GALNT18: variants seen among roughly 807,000 people sequenced by gnomAD.
The protein encoded by GALNT18 is polypeptide N-acetylgalactosaminyltransferase 18.
A neutral mutation model predicts 69.5 loss-of-function variants in GALNT18; 44 were observed. The observed-to-expected ratio is 0.63, with a 90% confidence interval of 0.50 to 0.81. GALNT18 has a LOEUF of 0.81. Ranked by LOEUF, GALNT18 falls within the 40% of genes least tolerant of loss-of-function variation. GALNT18 has a pLI of 0.00. For synonymous variants in GALNT18, 364 were observed against 318.2 expected, an observed-to-expected ratio of 1.14 and a Z score of -1.53; for missense variants, 715 against 810.0, an observed-to-expected ratio of 0.88 and a Z score of 1.42.
chr11:11,559,066 C>T (rs996844919), intron 1 of GALNT18, among the ~76,000 whole-genome samples: 1 of 152,194 alleles, frequency 6.6e-6, no homozygotes, highest in African/African-American at 2.4e-5. Flanking sequence ...TAAATAACAG[C>T]ACCTCCTTCA....
chr11:11,407,102 C>T (rs1467402877), intron 3 of GALNT18, among the ~76,000 whole-genome samples: 2 of 152,216 alleles, frequency 1.3e-5, no homozygotes, highest in African/African-American at 2.4e-5. Context: ...TGGATTTAAA[C>T]CAGCAGATTG....
rs145691192 is a variant in GALNT18 at position 11,520,952 on chromosome 11, C to T, written c.236-72016G>A. Among the ~76,000 whole-genome samples the T allele has an allele frequency of 5.4e-4, 82 of 152,180 alleles. 1 individual carries two copies. The East Asian group carries it at 0.015, about 28-fold the overall frequency. On this transcript the variant is annotated intron_variant, in intron 1 of 10. Transcript: ENST00000227756. The stretch of plus-strand genomic sequence containing the variant: ...TCGGGAAGCACATCGCAGGGTCCAC[C>T]GTAGGGAGCCTTAGAGCCCCTGGCT...
intron 1 of GALNT18, among the ~76,000 whole-genome samples, chr11:11,491,483 A>G (rs1856769103): frequency 6.6e-6 from 1 of 152,186 alleles, no homozygotes; most frequent in South Asian, 2.1e-4. Flanking sequence ...TAAAAAGCCG[A>G]TTGATTTGCT....
At chr11:11,509,795 C>T (rs888321406) in intron 1 of GALNT18, among the ~76,000 whole-genome samples, 1 of 152,258 alleles carries the variant, frequency 6.6e-6, no homozygotes, top group Non-Finnish European at 1.5e-5. Context: ...ACCTTCACTG[C>T]CCTGTGATTA....
chr11:11,428,506 C>A (rs1373576027), intron 3 of GALNT18, among the ~76,000 whole-genome samples: 1 of 152,238 alleles, frequency 6.6e-6, no homozygotes, highest in Non-Finnish European at 1.5e-5. Flanking sequence ...ACCACAGCCA[C>A]ATTGCCTCCT....
In GALNT18 at chr11:11,432,573, T is replaced by A. The variant is rs1302689628; in HGVS notation, c.595+48A>T. On this transcript the variant is annotated intron_variant, in intron 3 of 10. Coordinates refer to ENST00000227756, the MANE Select transcript of GALNT18 (RefSeq NM_198516.3). This position sits in a 1 kb window ranked among gnomAD's most constrained non-coding sequence, Gnocchi z 5.8. ...CACGACGCTGAACCATCAGCTTAGA[T>A]GTCAGCCAGGAAGTAGGGCCTGGGC... is the stretch of plus-strand genomic sequence containing the variant. 2 of 1,552,376 alleles carry A rather than the reference T, an allele frequency of 1.3e-6. No individual in the cohort carries two copies. The highest frequency in any genetic ancestry group is 1.8e-6 in the Non-Finnish European group (2 of 1,141,340).
At position 11,332,688 on chromosome 11, in the gene GALNT18, C is replaced by T. The variant is rs780392620; in HGVS notation, c.1416+6G>A. The T allele has an allele frequency of 6.8e-6, 11 of 1,614,058 alleles. No individual in the cohort carries two copies. The highest frequency in any genetic ancestry group is 8.5e-6 in the Non-Finnish European group (10 of 1,179,966). On this transcript the variant is annotated splice_donor_region_variant and intron_variant, in intron 8 of 10. Transcript: ENST00000227756. The surrounding 1 kb of genome is among the most constrained non-coding windows in gnomAD (Gnocchi z 4.3). ...GAATGAAACCCGGAGGAGGCCAGCTCCTTACCACTCCATAGGCAATGATGT... is the reference window on the plus strand; with the variant it reads ...GAATGAAACCCGGAGGAGGCCAGCTTCTTACCACTCCATAGGCAATGATGT...
chr11:11,303,759 T>A (rs1476690663), intron 9 of GALNT18, among the ~76,000 whole-genome samples: 1 of 152,194 alleles, frequency 6.6e-6, no homozygotes, highest in African/African-American at 2.4e-5. Flanking sequence ...GCTGCACCCT[T>A]CTGACCTGGG....
chr11:11,492,040 G>T (rs902810918), intron 1 of GALNT18, among the ~76,000 whole-genome samples: 5 of 152,182 alleles, frequency 3.3e-5, no homozygotes, highest in African/African-American at 1.2e-4. Flanking sequence ...AAGAATGTGG[G>T]ATGCTGTTTT....
intron 6 of GALNT18, among the ~76,000 whole-genome samples, chr11:11,369,949 T>C (rs1850860375): frequency 6.6e-6 from 1 of 152,218 alleles, no homozygotes; most frequent in South Asian, 2.1e-4. Flanking sequence ...CTTTTATCCC[T>C]AGATCACTGT....
In GALNT18 at chr11:11,382,304, C is replaced by T. The variant is rs1341099104; in HGVS notation, c.596-3040G>A. 6.6e-6 allele frequency among the ~76,000 whole-genome samples: 1 copy of T among 152,156 alleles called. No individual in the cohort carries two copies. The highest frequency in any genetic ancestry group is 1.5e-5 in the Non-Finnish European group (1 of 68,036). The stretch of plus-strand genomic sequence containing the variant: ...ATACTGGCTCTGTCTTTGCAAAGTA[C>T]CTTTACTTAATTAGGTTTTCATGTT... On this transcript the variant is annotated intron_variant, in intron 3 of 10. Coordinates refer to ENST00000227756, the MANE Select transcript of GALNT18 (RefSeq NM_198516.3). The surrounding 1 kb of genome is among the most constrained non-coding windows in gnomAD (Gnocchi z 4.3).
chr11:11,391,885 A>G (rs1448323364), intron 3 of GALNT18, among the ~76,000 whole-genome samples: 1 of 152,220 alleles, frequency 6.6e-6, no homozygotes, highest in Non-Finnish European at 1.5e-5. Flanking sequence ...GTAAGGCCGG[A>G]GCCATACCCC....
Position 11,598,262 on chromosome 11 carries a change from C to G in GALNT18, c.235+23097G>C, listed in dbSNP as rs1157896846. On this transcript the variant is annotated intron_variant, in intron 1 of 10. Coordinates refer to ENST00000227756, the MANE Select transcript of GALNT18 (RefSeq NM_198516.3). The surrounding 1 kb of genome is among the most constrained non-coding windows in gnomAD (Gnocchi z 4.8). Reference sequence around the variant, plus strand: ...GTAATCTATAACAAATTATTATAAACCCAATGGCTTAAAACAACAGAAACT... The same window carrying G: ...GTAATCTATAACAAATTATTATAAAGCCAATGGCTTAAAACAACAGAAACT... Among the ~76,000 whole-genome samples the G allele has an allele frequency of 6.6e-6, 1 of 151,976 alleles. No individual in the cohort carries two copies. Among genetic ancestry groups the G allele is most frequent in the Non-Finnish European group, 1.5e-5 (1 of 68,004 alleles).
At chr11:11,290,792 G>GCCCGGCAGGGCAAGCTGAACCCAGAC (rs1256838810) in intron 10 of GALNT18, among the ~76,000 whole-genome samples, 32 of 152,208 alleles carry the variant, frequency 2.1e-4, no homozygotes, top group Non-Finnish European at 3.4e-4. Flanking sequence ...TGAACCCAGA[G>GCCCGGCAGGGCAAGCTGAACCCAGAC]GCCCAGCAGG....
In GALNT18 at chr11:11,620,158, C is replaced by A. The variant is rs1860153276; in HGVS notation, c.235+1201G>T. Among the ~76,000 whole-genome samples, 1 of 151,786 alleles carries A rather than the reference C, an allele frequency of 6.6e-6. No individual in the cohort carries two copies. The highest frequency in any genetic ancestry group is 6.6e-5 in the Admixed American group (1 of 15,264). ...GGCGGGGGGGTGGGGGGTAAGCCTT[C>A]AGTTCAATTCGATTTTGCCAAGGTC... On this transcript the variant is annotated intron_variant, in intron 1 of 10. Transcript: ENST00000227756. This position sits in a 1 kb window ranked among gnomAD's most constrained non-coding sequence, Gnocchi z 6.9.
intron 6 of GALNT18, among the ~76,000 whole-genome samples, chr11:11,367,337 T>A (rs188120472): frequency 6.6e-6 from 1 of 152,258 alleles, no homozygotes; most frequent in African/African-American, 2.4e-5. Context: ...AAGAGGCAAA[T>A]GATTACGAAT....
chr11:11,422,727 A>G (rs192560097), intron 3 of GALNT18, among the ~76,000 whole-genome samples: 22 of 151,974 alleles, frequency 1.4e-4, no homozygotes, highest in Admixed American at 1.2e-3. Context: ...TCTTTGAAAC[A>G]TTAAACAATG....
intron 10 of GALNT18, among the ~76,000 whole-genome samples, chr11:11,287,362 C>T (rs1230102536): frequency 6.6e-6 from 1 of 152,172 alleles, no homozygotes; most frequent in African/African-American, 2.4e-5. Context: ...TAACATTAGG[C>T]TATTACAAAC....
chr11:11,424,033 C>A (rs1363739187), intron 3 of GALNT18, among the ~76,000 whole-genome samples: 3 of 152,202 alleles, frequency 2.0e-5, no homozygotes, highest in Admixed American at 2.0e-4. Context: ...CAAACTCCAG[C>A]CCGGGCCAGT....
Sources: gnomAD v4.1 joint callset for allele counts (sites outside exome capture counted in the v4.1 genomes callset) on GRCh38, gnomAD v4.1.1 for gene constraint, Gnocchi (gnomAD v3.1) non-coding constraint, MANE v1.5 for transcripts, NCBI Gene and HGNC (gene_info 2026-07-23, HGNC 2026-07-21) for gene names.